The following CSMD2 variants were observed in gnomAD, a reference collection of about 807,000 sequenced individuals.
CSMD2 encodes CUB and Sushi multiple domains 2, also known as CUB and sushi domain-containing protein 2.
A neutral mutation model predicts 398.5 loss-of-function variants in CSMD2; 130 were observed. The observed-to-expected ratio is 0.33, with a 90% CI of 0.28 to 0.38. The LOEUF (loss-of-function observed/expected upper bound fraction) is 0.38. Among genes scored for constraint, CSMD2 ranks in the 10% least tolerant of loss-of-function variants. The probability of loss-of-function intolerance (pLI) is 1.00; values close to 1 mark genes in which losing one functional copy is unlikely to be tolerated. For synonymous variants in CSMD2, 1,828 were observed against 1,908.5 expected (o/e 0.96, Z 1.10); for missense variants, 3,829 against 4,764.9 (o/e 0.80, Z 5.78).
intron 5 of CSMD2, among the ~76,000 whole-genome samples, chr1:33,892,921 T>C (rs967967283): frequency 3.3e-5 from 5 of 152,214 alleles, no homozygotes; most frequent in African/African-American, 1.2e-4. Flanking sequence ...CCAACTTGAG[T>C]GCATTCGTAG....
At chr1:33,668,752 G>A (rs937093721) in intron 25 of CSMD2, among the ~76,000 whole-genome samples, 1 of 152,168 alleles carries the variant, frequency 6.6e-6, no homozygotes. Context: ...TTGATGACTT[G>A]CTTGTCTGTG....
chr1:33,997,361 G>T (rs1009109882), intron 3 of CSMD2, among the ~76,000 whole-genome samples: 2 of 152,238 alleles, frequency 1.3e-5, no homozygotes, highest in African/African-American at 2.4e-5. Context: ...GCGGGTGCCT[G>T]CGTGTCCTTA....
intron 6 of CSMD2, among the ~76,000 whole-genome samples, chr1:33,829,620 T>C (rs1967735): frequency 0.79 from 119,496 of 152,112 alleles, 47,788 homozygotes; most frequent in East Asian, 0.94. Flanking sequence ...TCTGAGGTAC[T>C]GGGTTCATCT....
intron 32 of CSMD2, 58 bp from the exon 33 acceptor site, chr1:33,626,639 G>T: frequency 7.5e-7 from 1 of 1,327,280 alleles, no homozygotes; most frequent in South Asian, 1.3e-5. Context: ...GGGCCCAGAA[G>T]ATAAAATCCT....
chr1:34,124,360 G>A (rs986474486), intron 1 of CSMD2, among the ~76,000 whole-genome samples: 3 of 152,198 alleles, frequency 2.0e-5, no homozygotes, highest in African/African-American at 7.2e-5. Context: ...GGGTGGACTA[G>A]GAGAAAGGGA....
chr1:33,622,304 G>C (rs1021463012), intron 36 of CSMD2, 33 bp from the exon 37 acceptor site: 1 of 1,536,844 alleles, frequency 6.5e-7, no homozygotes. Context: ...AACCATTTAA[G>C]TTTGGCTCCT....
At chr1:33,685,423 C>T (rs1221183164) in intron 25 of CSMD2, among the ~76,000 whole-genome samples, 3 of 152,126 alleles carry the variant, frequency 2.0e-5, no homozygotes, top group African/African-American at 4.8e-5. Context: ...ATATTTATAC[C>T]CCCGTGCCTG....
At chr1:34,147,660 G>T (rs1639907083) in intron 1 of CSMD2, among the ~76,000 whole-genome samples, 1 of 151,774 alleles carries the variant, frequency 6.6e-6, no homozygotes, top group African/African-American at 2.4e-5. Flanking sequence ...TCAGGGAGGG[G>T]CTGTTTTTTA....
chr1:33,646,488 G>A (rs1217972123), intron 29 of CSMD2, among the ~76,000 whole-genome samples, 160 bp downstream of exon 29: 7 of 152,198 alleles, frequency 4.6e-5, no homozygotes, highest in Non-Finnish European at 1.0e-4. Flanking sequence ...CCCAGATGGG[G>A]GCCGCAGGAA....
intron 3 of CSMD2, among the ~76,000 whole-genome samples, chr1:34,014,532 C>T (rs1164451267): frequency 2.6e-5 from 4 of 152,222 alleles, no homozygotes; most frequent in Non-Finnish European, 4.4e-5. Context: ...GGGAATTCCC[C>T]AGTAGGCCAT....
rs1241477896 is a variant in CSMD2, at chr1:33,724,295, A to C, written c.2903T>G (p.Ile968Ser). 1.2e-6 allele frequency: 2 copies of C among 1,613,888 alleles called. No homozygotes were observed. Among genetic ancestry groups the C allele is most frequent in the Non-Finnish European group, 1.7e-6 (2 of 1,179,812 alleles). ...CAAGATGGTCCCACTGGAGCCTTGA[A>C]TGAAGCCACCACAGAGAGCTACAGA... is the stretch of plus-strand genomic sequence containing the variant. Reference protein sequence around the residue: ...PSCEALCGGFIQGSSGTILSP... With the variant: ...PSCEALCGGFSQGSSGTILSP... The change falls in exon 19 of 71, where the codon ATT becomes AGT. Residue 968 changes from isoleucine (I) to serine (S), a missense_variant. By Grantham distance (142) the Ile-to-Ser change is moderately radical. Transcript: ENST00000373381.
At chr1:33,593,584 G>GA (rs1357998353) in intron 44 of CSMD2, among the ~76,000 whole-genome samples, 1 of 152,140 alleles carries the variant, frequency 6.6e-6, no homozygotes, top group East Asian at 1.9e-4. Flanking sequence ...ACTAGCACAG[G>GA]AAAGACCCAC....
Position 34,096,285 on chromosome 1 carries a change from C to G in CSMD2, c.188-7092G>C, listed in dbSNP as rs1477867845. 7.9e-5 allele frequency among the ~76,000 whole-genome samples: 12 copies of G among 151,738 alleles called. No individual in the cohort carries two copies. The East Asian group carries it at 2.3e-3, about 30-fold the overall frequency. On this transcript the variant is annotated intron_variant, in intron 1 of 70. Coordinates refer to ENST00000373381, the MANE Select transcript of CSMD2 (RefSeq NM_001281956.2). ...TCAAAATAATAAGAGCTATCTATGA[C>G]AAACCCACAGCCAATATCATACTGA...
chr1:33,769,573 G>A (rs993350456), intron 13 of CSMD2, among the ~76,000 whole-genome samples: 1 of 152,106 alleles, frequency 6.6e-6, no homozygotes, highest in Non-Finnish European at 1.5e-5. Flanking sequence ...CTACTGTGAG[G>A]GCAGCTCAAA....
At chr1:33,756,902 C>T (rs907406822) in intron 13 of CSMD2, among the ~76,000 whole-genome samples, 23 of 151,982 alleles carry the variant, frequency 1.5e-4, no homozygotes, top group Non-Finnish European at 2.9e-4. Context: ...GACTTGGAAC[C>T]AACCCAAATG....
At chr1:33,557,958 C>T in intron 54 of CSMD2, 36 bp from the exon 55 acceptor site, 1 of 1,509,104 alleles carries the variant, frequency 6.6e-7, no homozygotes, top group Non-Finnish European at 8.9e-7. Context: ...GGCATGGATT[C>T]CCAGTATAGT....
In CSMD2 at chr1:33,646,796, G is replaced by A. The variant is rs767215580; in HGVS notation, c.4626C>T (p.Tyr1542=). 4.3e-6 allele frequency: 7 copies of A among 1,613,640 alleles called. No homozygotes were observed. Among genetic ancestry groups the A allele is most frequent in the Non-Finnish European group, 5.1e-6 (6 of 1,179,778 alleles). The part of the protein sequence containing the change: ...LEPGYDFLHI[Y]DGRDSLSPLI... ...GAGGGCTGAGAGAGTCCCGTCCGTC[G>A]TAGATATGGAGGAAGTCATAGCCAG... Residue 1542 remains tyrosine (Y), a synonymous_variant, in exon 29 of 71, where the codon TAC becomes TAT. Coordinates refer to ENST00000373381, the MANE Select transcript of CSMD2 (RefSeq NM_001281956.2).
intron 5 of CSMD2, among the ~76,000 whole-genome samples, chr1:33,851,829 G>A (rs1570267481): frequency 6.6e-6 from 1 of 152,188 alleles, no homozygotes; most frequent in South Asian, 2.1e-4. Flanking sequence ...TATTTTCCAG[G>A]AACTGAGTGA....
At chr1:34,033,510 C>T (rs1397095652) in intron 2 of CSMD2, among the ~76,000 whole-genome samples, 1 of 152,194 alleles carries the variant, frequency 6.6e-6, no homozygotes, top group African/African-American at 2.4e-5. Context: ...CTTGGGAATA[C>T]ATTTAGGAAA....
Sources: allele counts gnomAD v4.1 joint callset (sites outside exome capture counted in the v4.1 genomes callset), GRCh38; gene constraint gnomAD v4.1.1; transcripts MANE v1.5; gene names NCBI Gene and HGNC (gene_info 2026-07-23, HGNC 2026-07-21).